Variants in LSM12 observed in about 807,000 individuals in gnomAD.
LSM12 encodes the protein protein LSM12.
For missense variants in LSM12, 108 were observed against 238.9 expected, an observed-to-expected ratio of 0.45 and a Z score of 3.61; for synonymous variants, 74 against 87.3, an observed-to-expected ratio of 0.85 and a Z score of 0.85.
At chr17:44,064,010 A>G in intron 1 of LSM12, 76 bp from the exon 2 acceptor site, 3 of 1,511,942 alleles carry the variant, frequency 2.0e-6, no homozygotes, top group Non-Finnish European at 2.7e-6. Flanking sequence ...GGCATAGAAA[A>G]CACGATTCAC....
chr17:44,041,278 AAAAAAAAAAC>A (rs2049484344), intron 2 of LSM12, among the ~76,000 whole-genome samples: 1 of 84,804 alleles, frequency 1.2e-5, no homozygotes, highest in East Asian at 3.2e-4. Context: ...CTCTTTAAAA[AAAAAAAAAAC>A]AAACACACAC....
intron 2 of LSM12, among the ~76,000 whole-genome samples, chr17:44,055,033 T>C (rs2144100070): frequency 6.6e-6 from 1 of 152,048 alleles, no homozygotes; most frequent in South Asian, 2.1e-4. Context: ...AGTATTTTTC[T>C]ATTTTTAGTA....
chr17:44,056,173 T>C (rs2049711115), intron 2 of LSM12, among the ~76,000 whole-genome samples: 2 of 151,124 alleles, frequency 1.3e-5, no homozygotes, highest in Admixed American at 1.3e-4. Flanking sequence ...CTTGGGAGGC[T>C]GAGGTAGGAG....
intron 2 of LSM12, among the ~76,000 whole-genome samples, chr17:44,057,841 C>T (rs1440425084): frequency 6.6e-6 from 1 of 151,960 alleles, no homozygotes; most frequent in Non-Finnish European, 1.5e-5. Context: ...TAAGTGAGAG[C>T]CTAGTGTAAT....
At chr17:44,062,703 A>G (rs2049814553) in intron 2 of LSM12, among the ~76,000 whole-genome samples, 1 of 152,116 alleles carries the variant, frequency 6.6e-6, no homozygotes, top group South Asian at 2.1e-4. Context: ...CCTGGCCAGC[A>G]TGGTGAAACC....
chr17:44,051,633 A>T (rs2049645730), intron 2 of LSM12, among the ~76,000 whole-genome samples: 2 of 152,122 alleles, frequency 1.3e-5, no homozygotes, highest in Admixed American at 1.3e-4. Context: ...CTCTACTTGA[A>T]GTTCTGTTCT....
At chr17:44,040,819 CAA>C (rs1180250412) in intron 2 of LSM12, among the ~76,000 whole-genome samples, 15 of 119,634 alleles carry the variant, frequency 1.3e-4, no homozygotes, top group Admixed American at 2.5e-4. Flanking sequence ...ACTAAAAATA[CAA>C]AAAAAAAAAA....
At chr17:44,046,561 G>T (rs1225501091) in intron 2 of LSM12, among the ~76,000 whole-genome samples, 2 of 150,660 alleles carry the variant, frequency 1.3e-5, no homozygotes, top group African/African-American at 4.9e-5. Context: ...CAAAAAATCA[G>T]CCGGGGATGG....
intron 2 of LSM12, among the ~76,000 whole-genome samples, chr17:44,043,586 G>A (rs572058927): frequency 3.0e-4 from 42 of 142,212 alleles, no homozygotes; most frequent in Admixed American, 8.4e-4. Flanking sequence ...CTTGCTCTGT[G>A]GCCCAGGCTG....
chr17:44,059,322 C>T (rs1422063947), intron 2 of LSM12, among the ~76,000 whole-genome samples: 1 of 152,166 alleles, frequency 6.6e-6, no homozygotes, highest in Non-Finnish European at 1.5e-5. Flanking sequence ...GGTGCAGTGG[C>T]TCACGCCTAT....
chr17:44,058,759 G>C (rs1221972832), intron 2 of LSM12, among the ~76,000 whole-genome samples: 1 of 152,128 alleles, frequency 6.6e-6, no homozygotes, highest in Non-Finnish European at 1.5e-5. Flanking sequence ...TTGAACCTAG[G>C]AGGCAGAGGT....
chr17:44,037,926 C>T (rs779257685), intron 3 of LSM12, among the ~76,000 whole-genome samples: 2 of 152,186 alleles, frequency 1.3e-5, no homozygotes, highest in African/African-American at 2.4e-5. Flanking sequence ...TCATCTGTTA[C>T]AACTAGCACT....
In LSM12 at chr17:44,048,370, T is replaced by C. The variant is rs1370198423; in HGVS notation, c.259-8114A>G. Among the ~76,000 whole-genome samples the C allele has an allele frequency of 2.6e-5, 4 of 151,508 alleles. 1 individual carries two copies. Among genetic ancestry groups the C allele is most frequent in the Non-Finnish European group, 5.9e-5 (4 of 67,960 alleles). On this transcript the variant is annotated intron_variant, in intron 2 of 4. Coordinates refer to ENST00000293406, the MANE Select transcript of LSM12 (RefSeq NM_001371445.1). ...AGTAACATGCACCTGTAGTCCCATC[T>C]ACTTGGGAGGCTGAGGCAGAGGAAT...
At chr17:44,050,803 G>A (rs1010705920) in intron 2 of LSM12, among the ~76,000 whole-genome samples, 3 of 152,180 alleles carry the variant, frequency 2.0e-5, no homozygotes, top group Non-Finnish European at 4.4e-5. Flanking sequence ...TTACAGGCAT[G>A]AGCCACCGCG....
At chr17:44,059,886 C>T (rs1017715113) in intron 2 of LSM12, among the ~76,000 whole-genome samples, 5 of 152,018 alleles carry the variant, frequency 3.3e-5, no homozygotes, top group East Asian at 1.9e-4. Flanking sequence ...TAGAGTAGGC[C>T]GGGTGTGGTG....
At chr17:44,060,446 A>T (rs1416954658) in intron 2 of LSM12, among the ~76,000 whole-genome samples, 1 of 152,234 alleles carries the variant, frequency 6.6e-6, no homozygotes, top group Non-Finnish European at 1.5e-5. Context: ...ATCTCCAAAA[A>T]GGAATCGCAA....
rs748942539 is a variant in LSM12 at position 44,036,263 on chromosome 17, A to G, written c.533T>C (p.Ile178Thr). ...TTGCTGGGCTTGTGAACGTTGCAGT[A>G]TCTTTTGGCTTTCCACGTCTCTAAA... ...KHFRDVESQK[I>T]LQRSQAQQPQ... is the part of the protein sequence containing the mutation. Residue 178 changes from isoleucine (I) to threonine (T), a missense_variant, in exon 5 of 5, where the codon ATA (isoleucine) becomes ACA (threonine). By Grantham distance (89) the Ile-to-Thr change is moderately conservative (BLOSUM62 -1). Coordinates refer to ENST00000293406, the MANE Select transcript of LSM12 (RefSeq NM_001371445.1). 25 of 1,613,704 alleles carry G rather than the reference A, an allele frequency of 1.5e-5. 1 individual carries two copies. In the South Asian group the frequency reaches 2.6e-4, roughly 17 times the overall value.
At chr17:44,060,291 A>C (rs1385271548) in intron 2 of LSM12, among the ~76,000 whole-genome samples, 2 of 152,202 alleles carry the variant, frequency 1.3e-5, no homozygotes, top group Non-Finnish European at 2.9e-5. Flanking sequence ...CATATGCTTA[A>C]ATGATCCTCC....
At chr17:44,054,003 G>A (rs958031567) in intron 2 of LSM12, among the ~76,000 whole-genome samples, 1 of 152,162 alleles carries the variant, frequency 6.6e-6, no homozygotes, top group African/African-American at 2.4e-5. Context: ...AGGGTAGGGT[G>A]CAGAGGTGGC....
Sources: allele counts gnomAD v4.1 joint callset (sites outside exome capture counted in the v4.1 genomes callset), GRCh38; gene constraint gnomAD v4.1.1; transcripts MANE v1.5; gene names NCBI Gene and HGNC (gene_info 2026-07-23, HGNC 2026-07-21).